Variants in MAP3K15 observed in about 807,000 individuals in gnomAD.
MAP3K15 encodes MAPK/ERK kinase kinase 15.
Under a neutral mutation model 99.5 loss-of-function variants are expected in MAP3K15, and 124 were observed. The observed-to-expected ratio is 1.25, with a 90% confidence interval of 1.08 to 1.45. The LOEUF (loss-of-function observed/expected upper bound fraction) is 1.45, where lower values mean the gene tolerates loss of function less well. Among genes scored for constraint, MAP3K15 ranks in the 40% most tolerant of loss-of-function variants. MAP3K15 has a pLI of 0.00. For missense variants in MAP3K15, 1,242 were observed against 1,079.7 expected (o/e 1.15, Z -2.11); for synonymous variants, 494 against 439.6 (o/e 1.12, Z -1.55).
chrX:19,470,375 G>C (rs1448817013), intron 3 of MAP3K15, among the ~76,000 whole-genome samples: 1 of 110,294 alleles, frequency 9.1e-6, no homozygotes, highest in East Asian at 2.9e-4. Context: ...CACAGGAAGG[G>C]GAACATCACA....
intron 1 of MAP3K15, among the ~76,000 whole-genome samples, chrX:19,489,940 G>A (rs1467427793): frequency 9.0e-6 from 1 of 110,697 alleles, no homozygotes; most frequent in Non-Finnish European, 1.9e-5. Context: ...GGAGGCTAAG[G>A]CAGGAGAATC....
chrX:19,413,216 C>A (rs2063703189), intron 11 of MAP3K15, 141 bp downstream of exon 11: 1 of 461,140 alleles, frequency 2.2e-6, no homozygotes, highest in Non-Finnish European at 3.7e-6. Context: ...GAAAAACCTA[C>A]TGTCTCTCAT....
At chrX:19,390,431 A>T (rs1409570445) in intron 18 of MAP3K15, among the ~76,000 whole-genome samples, 1 of 99,156 alleles carries the variant, frequency 1.0e-5, no homozygotes, top group Non-Finnish European at 2.0e-5. Flanking sequence ...CCTCAGCCTC[A>T]CTAGTAGCTG....
At chrX:19,424,186 GTA>G (rs756342104) in intron 9 of MAP3K15, among the ~76,000 whole-genome samples, 1 of 106,206 alleles carries the variant, frequency 9.4e-6, no homozygotes, top group African/African-American at 3.5e-5. Flanking sequence ...AGCAAATCAT[GTA>G]TATATACACA....
chrX:19,434,527 T>C (rs2063908194), intron 6 of MAP3K15, among the ~76,000 whole-genome samples: 1 of 110,917 alleles, frequency 9.0e-6, no homozygotes, highest in Non-Finnish European at 1.9e-5. Context: ...CGTGAGCCAC[T>C]GCGCCCGGCC....
rs150346730 is a variant in MAP3K15 at position 19,392,529 on chromosome X, C to G, written c.2195-56G>C. ...GGAAGAGAAAGTTTCAATAAAAGTT[C>G]AGGGAAATAAAGTGAGGTGAGGTTT... On this transcript the variant is annotated intron_variant, in intron 16 of 28. Coordinates refer to ENST00000338883, the MANE Select transcript of MAP3K15 (RefSeq NM_001001671.4). 72 of 1,156,297 alleles carry G rather than the reference C, an allele frequency of 6.2e-5. No homozygotes were observed. In the African/African-American group the frequency reaches 1.3e-3, roughly 20 times the overall value.
In MAP3K15 at chrX:19,361,474, TTC is replaced by T; in HGVS notation, c.3780+17_3780+18del. 1 of 1,199,621 alleles carries T rather than the reference TTC, an allele frequency of 8.3e-7. No homozygotes were observed. The highest frequency in any genetic ancestry group is 2.3e-4 in the Middle Eastern group (1 of 4,313). On this transcript the variant is annotated intron_variant, in intron 27 of 28. Transcript: ENST00000338883. The stretch of plus-strand genomic sequence containing the variant: ...AGCTGTGTAACAACAGCATAAGAAT[TTC>T]TTTGTTGTAAATTTACCTTTTCAAT...
chrX:19,360,381 C>T lies in MAP3K15; in HGVS notation c.*368G>A, dbSNP rs1042452. On this transcript the variant is annotated 3_prime_UTR_variant, in exon 29 of 29. Coordinates refer to ENST00000338883, the MANE Select transcript of MAP3K15 (RefSeq NM_001001671.4). The stretch of plus-strand genomic sequence containing the variant: ...GGGTGTACTTTTTTTGAGACAGGGT[C>T]GGGCTCTGTTGCCCAGGCTGGAGTG... 0.17 allele frequency: 26,593 copies of T among 160,911 alleles called. 5,133 individuals are homozygous for T. Among genetic ancestry groups the T allele is most frequent in the African/African-American group, 0.65 (20,182 of 30,818 alleles). 13.3% of individuals were successfully genotyped at this position (160,911 alleles called of 1,213,427 possible). A position where few individuals can be genotyped will look rare whatever the true frequency, so the allele number is the denominator to read the frequency against.
chrX:19,393,760 C>CTTTTT lies in MAP3K15; in HGVS notation c.2195-1292_2195-1288dup, dbSNP rs761246318. Among the ~76,000 whole-genome samples, 123 of 60,242 alleles carry CTTTTT rather than the reference C, an allele frequency of 2.0e-3. 13 individuals carry two copies. Among genetic ancestry groups the CTTTTT allele is most frequent in the African/African-American group, 9.0e-3 (117 of 13,020 alleles). The allele number at this position is 60,242 out of a possible 115,157, so 52.3% of individuals were successfully genotyped here. On this transcript the variant is annotated intron_variant, in intron 16 of 28. Coordinates refer to ENST00000338883, the MANE Select transcript of MAP3K15 (RefSeq NM_001001671.4). ...TGAAAATCTAGCCCACTGCCTGGCT[C>CTTTTT]TTTTTTTTTTTTTTTTTTTTTTTTT... is the stretch of plus-strand genomic sequence containing the variant.
intron 11 of MAP3K15, among the ~76,000 whole-genome samples, chrX:19,411,433 G>A (rs774719068): frequency 8.9e-6 from 1 of 112,549 alleles, no homozygotes; most frequent in South Asian, 3.7e-4. Context: ...GTATGTGCTA[G>A]GCAAAGTACT....
chrX:19,442,877 C>T (rs148811045), intron 6 of MAP3K15, among the ~76,000 whole-genome samples: 1,151 of 105,572 alleles, frequency 0.011, 13 homozygotes, highest in Non-Finnish European at 0.015. Context: ...TGCGCACCAC[C>T]ACACCTGGGT....
At chrX:19,373,376 C>G (rs1180755994) in intron 21 of MAP3K15, among the ~76,000 whole-genome samples, 160 bp downstream of exon 21, 3 of 110,712 alleles carry the variant, frequency 2.7e-5, no homozygotes, top group Non-Finnish European at 5.7e-5. Context: ...AACGAAGCAC[C>G]CTCCTTGCCG....
chrX:19,426,208 T>C (rs772723151), intron 8 of MAP3K15, 23 bp downstream of exon 8: 2 of 860,964 alleles, frequency 2.3e-6, no homozygotes, highest in South Asian at 5.0e-5. Flanking sequence ...AGCAACAACA[T>C]CTGCAATAAT....
chrX:19,393,262 G>A (rs2063539637), intron 16 of MAP3K15, among the ~76,000 whole-genome samples: 2 of 111,400 alleles, frequency 1.8e-5, no homozygotes, highest in African/African-American at 6.5e-5. Flanking sequence ...ATCTATAAAA[G>A]GGGATGAACA....
At chrX:19,424,297 T>C (rs7051843) in intron 9 of MAP3K15, among the ~76,000 whole-genome samples, 17 of 90,951 alleles carry the variant, frequency 1.9e-4, no homozygotes, top group African/African-American at 6.7e-4. Context: ...TATATACACA[T>C]ATATATACAC....
intron 13 of MAP3K15, among the ~76,000 whole-genome samples, chrX:19,401,470 G>C (rs985480844): frequency 3.6e-5 from 4 of 111,520 alleles, no homozygotes; most frequent in Non-Finnish European, 5.6e-5. Context: ...GTGTTGGGAG[G>C]CATGAGCCCC....
At position 19,448,655 on chromosome X, in the gene MAP3K15, AATTTT is replaced by A. The variant is rs1447943991; in HGVS notation, c.995+8253_995+8257del. The stretch of plus-strand genomic sequence containing the variant: ...AAAAATTTGATGTCAGGTATGGAAA[AATTTT>A]ATTTTAAAGTCCTTTACGCATTGTA... On this transcript the variant is annotated intron_variant, in intron 6 of 28. Coordinates refer to ENST00000338883, the MANE Select transcript of MAP3K15 (RefSeq NM_001001671.4). 1.8e-5 allele frequency among the ~76,000 whole-genome samples: 2 copies of A among 109,264 alleles called. 1 individual carries two copies. Among genetic ancestry groups the A allele is most frequent in the Non-Finnish European group, 3.9e-5 (2 of 51,731 alleles). The allele number at this position is 109,264 out of a possible 115,157, so 94.9% of individuals were successfully genotyped here.
At chrX:19,487,406 T>C (rs1321502122) in intron 2 of MAP3K15, among the ~76,000 whole-genome samples, 1 of 111,964 alleles carries the variant, frequency 8.9e-6, no homozygotes, top group Non-Finnish European at 1.9e-5. Flanking sequence ...ATGTTTTTCA[T>C]CAAAATATAG....
At chrX:19,384,700 G>A (rs929457655) in intron 18 of MAP3K15, among the ~76,000 whole-genome samples, 3 of 91,514 alleles carry the variant, frequency 3.3e-5, no homozygotes, top group African/African-American at 8.3e-5. Flanking sequence ...CTGAGATCAC[G>A]CCACTGCCCT....
Sources: gnomAD v4.1 joint callset for allele counts (sites outside exome capture counted in the v4.1 genomes callset) on GRCh38, gnomAD v4.1.1 for gene constraint, MANE v1.5 for transcripts, NCBI Gene and HGNC (gene_info 2026-07-23, HGNC 2026-07-21) for gene names.